The following CPEB2 variants were observed in gnomAD, a reference collection of about 807,000 sequenced individuals.
CPEB2 encodes cytoplasmic polyadenylation element binding protein 2.
A neutral mutation model predicts 93.6 loss-of-function variants in CPEB2; 56 were observed. The observed-to-expected ratio is 0.60, with a 90% CI of 0.48 to 0.75. The LOEUF (loss-of-function observed/expected upper bound fraction) is 0.75, where lower values mean the gene tolerates loss of function less well. CPEB2 is among the 30% of genes least tolerant of loss of function. CPEB2 has a pLI of 0.00. For synonymous variants in CPEB2, 764 were observed against 586.3 expected, an observed-to-expected ratio of 1.30 and a Z score of -4.38; for missense variants, 1,579 against 1,395.1, an observed-to-expected ratio of 1.13 and a Z score of -2.10.
chr4:15,002,763 T>G lies in CPEB2; in HGVS notation c.90T>G (p.Pro30=). The G allele has an allele frequency of 6.5e-7, 1 of 1,535,442 alleles. No individual in the cohort carries two copies. ...TGTTCTGCGGCGAGGCGTATGGTCC[T>G]TACGCCGTGGGGTCCGTCAACCCGC... ...GPLFCGEAYG[P]YAVGSVNPLP... Residue 30 remains proline (P), a synonymous_variant, in exon 1 of 12, where the codon CCT becomes CCG. Coordinates refer to ENST00000538197, the MANE Select transcript of CPEB2 (RefSeq NM_001177382.2).
rs144461223 is a variant in CPEB2, at chr4:15,059,764, C to G, written c.2695+463C>G. Among the ~76,000 whole-genome samples, 776 of 152,012 alleles carry G rather than the reference C, an allele frequency of 5.1e-3. 5 individuals are homozygous for G. Among genetic ancestry groups the G allele is most frequent in the Middle Eastern group, 0.01 (3 of 294 alleles). On this transcript the variant is annotated intron_variant, in intron 10 of 11. Transcript: ENST00000538197. ...TTTATCAATAACTAGGAACCAAAAA[C>G]CTACCAAAATATGTCACAGAGGAAT...
At position 15,037,327 on chromosome 4, in the gene CPEB2, G is replaced by C. The variant is rs200524173; in HGVS notation, c.2177-3137G>C. On this transcript the variant is annotated intron_variant, in intron 5 of 11. Transcript: ENST00000538197. ...CTCCGCCTCAAAAAAAAAAAAGACT[G>C]TGATTTAGTAGCATGGTTCTCTCCT... Among the ~76,000 whole-genome samples, 356 of 151,920 alleles carry C rather than the reference G, an allele frequency of 2.3e-3. 3 individuals carry two copies. The highest frequency in any genetic ancestry group is 0.018 in the South Asian group (86 of 4,816).
At chr4:15,063,479 T>G (rs993920972) in intron 11 of CPEB2, among the ~76,000 whole-genome samples, 2 of 152,092 alleles carry the variant, frequency 1.3e-5, no homozygotes, top group African/African-American at 2.4e-5. Context: ...TTTCTCAACC[T>G]CTGCTGTACA....
intron 1 of CPEB2, 92 bp from the exon 2 acceptor site, chr4:15,007,213 A>G: frequency 6.5e-6 from 7 of 1,078,916 alleles, no homozygotes; most frequent in Non-Finnish European, 7.6e-6. Context: ...TATATATTTC[A>G]TTCATATAAA....
Position 15,003,373 on chromosome 4 carries a change from C to CA in CPEB2, c.701dup (p.Gln235AlafsTer93). 7.2e-7 allele frequency: 1 copy of CA among 1,385,882 alleles called. No homozygotes were observed. Among genetic ancestry groups the CA allele is most frequent in the East Asian group, 3.0e-5 (1 of 32,826 alleles). The allele number at this position is 1,385,882 out of a possible 1,614,324, so 85.8% of individuals were successfully genotyped here. A position where few individuals can be genotyped will look rare whatever the true frequency, so the allele number is the denominator to read the frequency against. On this transcript the variant is annotated frameshift_variant, in exon 1 of 12. Transcript: ENST00000538197. LOFTEE classifies it high-confidence loss of function. ...TCAGCGCCAGCAGCAACAGCCGCCG[C>CA]AGCAGTTCAGCCTCCTGCATCAGCA...
chr4:15,028,208 TTAGAG>T (rs1476558804), intron 4 of CPEB2, among the ~76,000 whole-genome samples: 2 of 152,086 alleles, frequency 1.3e-5, no homozygotes, highest in Non-Finnish European at 2.9e-5. Flanking sequence ...AAAAAATAGT[TTAGAG>T]AAGGGAAAAA....
chr4:15,040,275 C>T (rs1435913054), intron 5 of CPEB2, among the ~76,000 whole-genome samples, 189 bp from the exon 6 acceptor site: 2 of 152,048 alleles, frequency 1.3e-5, no homozygotes, highest in African/African-American at 4.8e-5. Context: ...TATATATTTA[C>T]CTATAAATAA....
chr4:15,007,011 TATC>T (rs1416842827), intron 1 of CPEB2, among the ~76,000 whole-genome samples: 2 of 152,242 alleles, frequency 1.3e-5, no homozygotes, highest in African/African-American at 4.8e-5. Context: ...TCTTCATATT[TATC>T]ATGTATACAG....
chr4:15,058,417 C>T lies in CPEB2; in HGVS notation c.2462-4C>T, dbSNP rs776635572. On this transcript the variant is annotated splice_region_variant and splice_polypyrimidine_tract_variant and intron_variant, in intron 8 of 11. Coordinates refer to ENST00000538197, the MANE Select transcript of CPEB2 (RefSeq NM_001177382.2). ...TATTGCCTCATCTTTAATGGTTATT[C>T]CAGGCTATGCATTTCTTCTCTTTCA... The T allele has an allele frequency of 6.4e-7, 1 of 1,553,864 alleles. No individual in the cohort carries two copies. Among genetic ancestry groups the T allele is most frequent in the Non-Finnish European group, 8.9e-7 (1 of 1,128,582 alleles).
At chr4:15,007,198 G>A in intron 1 of CPEB2, 107 bp from the exon 2 acceptor site, 2 of 885,218 alleles carry the variant, frequency 2.3e-6, no homozygotes, top group Non-Finnish European at 3.2e-6. Context: ...GTATTCTTTT[G>A]CCTTTATATA....
At chr4:15,032,985 A>G (rs1276802990) in intron 4 of CPEB2, among the ~76,000 whole-genome samples, 176 bp from the exon 5 acceptor site, 8 of 152,154 alleles carry the variant, frequency 5.3e-5, no homozygotes, top group African/African-American at 1.9e-4. Flanking sequence ...TCAACTTCCA[A>G]AGATAATTTT....
chr4:15,054,372 T>A (rs547894822), intron 8 of CPEB2, among the ~76,000 whole-genome samples, 155 bp downstream of exon 8: 1 of 152,326 alleles, frequency 6.6e-6, no homozygotes, highest in South Asian at 2.1e-4. Flanking sequence ...GTATTTTCTC[T>A]GTCTAAAGCA....
chr4:15,061,233 A>G (rs1314942376), intron 10 of CPEB2, among the ~76,000 whole-genome samples: 1 of 152,112 alleles, frequency 6.6e-6, no homozygotes, highest in Non-Finnish European at 1.5e-5. Context: ...GTTTAAAGCT[A>G]TGATACAGGA....
chr4:15,023,363 A>G (rs1725015115), intron 4 of CPEB2, among the ~76,000 whole-genome samples: 4 of 152,032 alleles, frequency 2.6e-5, no homozygotes, highest in Admixed American at 2.0e-4. Flanking sequence ...AAATGATAGC[A>G]TTTTATCCTT....
At position 15,041,648 on chromosome 4, in the gene CPEB2, C is replaced by T. The variant is rs546260157; in HGVS notation, c.2200+1161C>T. Among the ~76,000 whole-genome samples the T allele has an allele frequency of 2.7e-3, 417 of 152,190 alleles. 2 individuals are homozygous for T. Among genetic ancestry groups the T allele is most frequent in the African/African-American group, 9.4e-3 (389 of 41,522 alleles). On this transcript the variant is annotated intron_variant, in intron 6 of 11. Transcript: ENST00000538197. ...GAATTCCTGACCTCAGGTGATCTGC[C>T]CACCTCGGCCTCCCAAAGTGCTGGG...
Position 15,003,607 on chromosome 4 carries a change from G to T in CPEB2, c.934G>T (p.Gly312Cys). The change falls in exon 1 of 12, where the codon GGC (glycine) becomes TGC (cysteine). Residue 312 changes from glycine (G) to cysteine (C), a missense_variant. Gly to Cys is a radical substitution (Grantham distance 159). Transcript: ENST00000538197. ...ASSTPVNPAP[G>C]SMESPNHPLL... The stretch of plus-strand genomic sequence containing the variant: ...CTCGACGCCGGTGAACCCCGCGCCG[G>T]GCTCCATGGAGTCCCCCAACCACCC... The T allele has an allele frequency of 2.7e-6, 4 of 1,477,544 alleles. No homozygotes were observed. Among genetic ancestry groups the T allele is most frequent in the Non-Finnish European group, 3.6e-6 (4 of 1,118,520 alleles). 91.5% of individuals were successfully genotyped at this position (1,477,544 alleles called of 1,614,324 possible). A position where few individuals can be genotyped will look rare whatever the true frequency, so the allele number is the denominator to read the frequency against.
In CPEB2 at chr4:15,008,492, G is replaced by C. The variant is rs539300300; in HGVS notation, c.2034+65G>C. 193 of 1,036,478 alleles carry C rather than the reference G, an allele frequency of 1.9e-4. No homozygotes were observed. In the African/African-American group the frequency reaches 2.0e-3, roughly 11 times the overall value. 64.2% of individuals were successfully genotyped at this position (1,036,478 alleles called of 1,614,324 possible). A position where few individuals can be genotyped will look rare whatever the true frequency, so the allele number is the denominator to read the frequency against. On this transcript the variant is annotated intron_variant, in intron 3 of 11. Coordinates refer to ENST00000538197, the MANE Select transcript of CPEB2 (RefSeq NM_001177382.2). ...GAGTTTAGTATTTATATTATGAGTAGGATTTATTATTTACTTTCTTATTAT... is the reference window on the plus strand; with the variant it reads ...GAGTTTAGTATTTATATTATGAGTACGATTTATTATTTACTTTCTTATTAT...
At chr4:15,057,582 C>T (rs1035366884) in intron 8 of CPEB2, among the ~76,000 whole-genome samples, 1 of 152,176 alleles carries the variant, frequency 6.6e-6, no homozygotes, top group Non-Finnish European at 1.5e-5. Context: ...GGAATAATCA[C>T]ATAATAGTAA....
chr4:15,049,401 T>G (rs73226795), intron 6 of CPEB2, among the ~76,000 whole-genome samples: 2 of 152,132 alleles, frequency 1.3e-5, no homozygotes, highest in Non-Finnish European at 2.9e-5. Flanking sequence ...TGAAAAACTT[T>G]CCAAAGTATT....
Sources: gnomAD v4.1 joint callset for allele counts (sites outside exome capture counted in the v4.1 genomes callset) on GRCh38, gnomAD v4.1.1 for gene constraint, MANE v1.5 for transcripts, NCBI Gene and HGNC (gene_info 2026-07-23, HGNC 2026-07-21) for gene names.